GPR39: variants seen among roughly 807,000 people sequenced by gnomAD.
GPR39 encodes the protein zinc sensing receptor.
Under a neutral mutation model 18.4 loss-of-function variants are expected in GPR39, and 23 were observed. The observed-to-expected ratio is 1.25, with a 90% CI of 0.90 to 1.77. GPR39 has a LOEUF of 1.77. GPR39 is among the 40% of genes most tolerant of loss of function. GPR39 has a pLI of 0.00. For missense variants in GPR39, 647 were observed against 602.4 expected, an observed-to-expected ratio of 1.07 and a Z score of -0.78; for synonymous variants, 280 against 257.9, an observed-to-expected ratio of 1.09 and a Z score of -0.82.
At chr2:132,459,678 A>G (rs144015415) in intron 1 of GPR39, among the ~76,000 whole-genome samples, 15 of 152,318 alleles carry the variant, frequency 9.8e-5, no homozygotes, top group Middle Eastern at 6.8e-3. Flanking sequence ...ATTCCCTTCT[A>G]GGGAATTCTT....
intron 1 of GPR39, among the ~76,000 whole-genome samples, chr2:132,636,586 G>A (rs1681759980): frequency 6.6e-6 from 1 of 152,242 alleles, no homozygotes. Flanking sequence ...ACCTGCCTGG[G>A]AAGCCCCACG....
At position 132,645,802 on chromosome 2, in the gene GPR39, A is replaced by G. The variant is rs768010769; in HGVS notation, c.*196A>G. The G allele has an allele frequency of 6.5e-6, 5 of 763,718 alleles. No homozygotes were observed. The East Asian group carries it at 1.1e-4, about 17-fold the overall frequency. 47.3% of individuals were successfully genotyped at this position (763,718 alleles called of 1,614,324 possible). A position where few individuals can be genotyped will look rare whatever the true frequency, so the allele number is the denominator to read the frequency against. Reference sequence around the variant, plus strand: ...TGGCCTTGACTCCGGTTACACAGACATGGGGGTGAACTTTCACTCCACCTC... The same window carrying G: ...TGGCCTTGACTCCGGTTACACAGACGTGGGGGTGAACTTTCACTCCACCTC... On this transcript the variant is annotated 3_prime_UTR_variant, in exon 2 of 2. Transcript: ENST00000329321.
chr2:132,619,473 T>C (rs1330063433), intron 1 of GPR39, among the ~76,000 whole-genome samples: 4 of 152,278 alleles, frequency 2.6e-5, no homozygotes, highest in Admixed American at 1.3e-4. Context: ...TCCCACTTTG[T>C]AGACAGTCAC....
At chr2:132,451,090 A>G (rs1038560548) in intron 1 of GPR39, among the ~76,000 whole-genome samples, 8 of 151,612 alleles carry the variant, frequency 5.3e-5, no homozygotes, top group Admixed American at 5.3e-4. Context: ...GCTATTTTTT[A>G]GCATGGGGCT....
chr2:132,473,933 A>G (rs552183396), intron 1 of GPR39, among the ~76,000 whole-genome samples: 1 of 152,336 alleles, frequency 6.6e-6, no homozygotes, highest in South Asian at 2.1e-4. Flanking sequence ...GTCAGGGAAG[A>G]AACGTGAGGG....
intron 1 of GPR39, among the ~76,000 whole-genome samples, chr2:132,543,435 G>C (rs1268379057): frequency 2.6e-5 from 4 of 152,134 alleles, no homozygotes; most frequent in Non-Finnish European, 4.4e-5. Flanking sequence ...AAGCACTTGT[G>C]GGGCAGGTCA....
chr2:132,520,456 G>T (rs1679401600), intron 1 of GPR39, among the ~76,000 whole-genome samples: 1 of 152,184 alleles, frequency 6.6e-6, no homozygotes, highest in Non-Finnish European at 1.5e-5. Flanking sequence ...GGTTTCTGGG[G>T]TTTGGGGAAC....
chr2:132,485,134 G>A (rs758347417), intron 1 of GPR39, among the ~76,000 whole-genome samples: 67 of 152,166 alleles, frequency 4.4e-4, no homozygotes, highest in Non-Finnish European at 7.2e-4. Context: ...TAAACAAGTC[G>A]CATAAAATTT....
intron 1 of GPR39, among the ~76,000 whole-genome samples, chr2:132,567,235 T>A (rs1335764438): frequency 7.2e-5 from 11 of 152,076 alleles, no homozygotes. Flanking sequence ...GGCAGGAGAA[T>A]CGCTTGAACC....
chr2:132,621,694 A>C (rs114406098), intron 1 of GPR39, among the ~76,000 whole-genome samples: 1,551 of 152,256 alleles, frequency 0.01, 26 homozygotes, highest in African/African-American at 0.036. Flanking sequence ...TCCAGCTCAG[A>C]CCCTGTCTCC....
intron 1 of GPR39, among the ~76,000 whole-genome samples, chr2:132,612,771 C>A (rs1558858766): frequency 1.3e-5 from 2 of 152,296 alleles, no homozygotes; most frequent in East Asian, 3.9e-4. Flanking sequence ...AAGTCTTTAT[C>A]ATCATTCTTC....
chr2:132,481,112 C>T (rs1226130647), intron 1 of GPR39, among the ~76,000 whole-genome samples: 2 of 152,202 alleles, frequency 1.3e-5, no homozygotes, highest in Admixed American at 6.5e-5. Flanking sequence ...GTCAAGTGAA[C>T]ACAATGCCCT....
At chr2:132,555,283 G>C (rs904831641) in intron 1 of GPR39, among the ~76,000 whole-genome samples, 1 of 152,106 alleles carries the variant, frequency 6.6e-6, no homozygotes, top group African/African-American at 2.4e-5. Context: ...ATCTATTGCT[G>C]TGAAACAAAT....
chr2:132,458,456 GTT>G (rs1491274557), intron 1 of GPR39, among the ~76,000 whole-genome samples: 8 of 92,136 alleles, frequency 8.7e-5, no homozygotes, highest in African/African-American at 1.9e-4. Flanking sequence ...CTCTCGGTGT[GTT>G]TGTGTGTGTG....
At chr2:132,434,427 G>A (rs1680275893) in intron 1 of GPR39, among the ~76,000 whole-genome samples, 3 of 152,108 alleles carry the variant, frequency 2.0e-5, no homozygotes, top group Admixed American at 1.3e-4. Flanking sequence ...GAAGTCAGGA[G>A]GTACCTTACC....
In GPR39 at chr2:132,551,333, A is replaced by G. The variant is rs181654230; in HGVS notation, c.857-93768A>G. On this transcript the variant is annotated intron_variant, in intron 1 of 1. Transcript: ENST00000329321. ...CCAAGAAGTCTTCTGTTTAGATCTC[A>G]CTAGCCAGAATTGGCCATGATGCAA... is the stretch of plus-strand genomic sequence containing the variant. Among the ~76,000 whole-genome samples, 138 of 152,274 alleles carry G rather than the reference A, an allele frequency of 9.1e-4. 1 individual carries two copies. The highest frequency in any genetic ancestry group is 3.1e-3 in the African/African-American group (127 of 41,564).
At chr2:132,546,327 G>C (rs1325154854) in intron 1 of GPR39, among the ~76,000 whole-genome samples, 1 of 152,164 alleles carries the variant, frequency 6.6e-6, no homozygotes. Flanking sequence ...TTTATAACAA[G>C]AGGCCCCACA....
At chr2:132,512,050 G>C (rs905057151) in intron 1 of GPR39, among the ~76,000 whole-genome samples, 1 of 152,172 alleles carries the variant, frequency 6.6e-6, no homozygotes, top group Non-Finnish European at 1.5e-5. Context: ...AGCTGATCCT[G>C]TGTTCACCTG....
At chr2:132,589,715 G>A (rs973217656) in intron 1 of GPR39, among the ~76,000 whole-genome samples, 1 of 152,166 alleles carries the variant, frequency 6.6e-6, no homozygotes, top group Admixed American at 6.5e-5. Flanking sequence ...CAGCTTAAGG[G>A]ATCAGTATTT....
Sources: allele counts gnomAD v4.1 joint callset (sites outside exome capture counted in the v4.1 genomes callset), GRCh38; gene constraint gnomAD v4.1.1; transcripts MANE v1.5; gene names NCBI Gene and HGNC (gene_info 2026-07-23, HGNC 2026-07-21).